The following ARL10 variants were observed in gnomAD, a reference collection of about 807,000 sequenced individuals.
ARL10 encodes the protein ADP-ribosylation factor-like protein 10.
Under a neutral mutation model 26.1 loss-of-function variants are expected in ARL10, and 23 were observed. The ratio of observed to expected loss-of-function variants is 0.88; its 90% CI spans 0.63 to 1.25. The LOEUF (loss-of-function observed/expected upper bound fraction) is 1.25, where lower values mean the gene tolerates loss of function less well. ARL10 is among the 50% of genes most tolerant of loss of function. The probability of loss-of-function intolerance (pLI) is 0.00; values close to 1 mark genes in which losing one functional copy is unlikely to be tolerated. For synonymous variants in ARL10, 138 were observed against 149.1 expected (o/e 0.93, Z 0.54); for missense variants, 300 against 323.6 (o/e 0.93, Z 0.56).
chr5:176,384,194 G>C (rs1230114839), downstream of ARL10: 6 of 1,613,954 alleles, frequency 3.7e-6, no homozygotes, highest in Non-Finnish European at 5.1e-6. Context: ...CTGGTCCGGG[G>C]GACGCCTCAG....
At chr5:176,401,470 C>T (rs187401285) in intron 1 of ARL10, among the ~76,000 whole-genome samples, 2 of 152,326 alleles carry the variant, frequency 1.3e-5, no homozygotes, top group Admixed American at 6.5e-5. Context: ...GAATCCTGAA[C>T]GTCACTTCAC....
At chr5:176,410,345 T>C in the ARL10 span, 3 of 1,586,270 alleles carry the variant, frequency 1.9e-6, no homozygotes, top group Non-Finnish European at 2.6e-6. Flanking sequence ...ACTGTTTAGC[T>C]TATAGCAAGC....
chr5:176,373,118 T>G lies in ARL10; in HGVS notation c.*1223T>G, dbSNP rs1430006559. The G allele has an allele frequency of 1.8e-5, 7 of 398,562 alleles. No homozygotes were observed. Among genetic ancestry groups the G allele is most frequent in the African/African-American group, 1.4e-4 (7 of 48,744 alleles). 24.7% of individuals were successfully genotyped at this position (398,562 alleles called of 1,614,324 possible). A position where few individuals can be genotyped will look rare whatever the true frequency, so the allele number is the denominator to read the frequency against. On this transcript the variant is annotated 3_prime_UTR_variant, in exon 4 of 4. Transcript: ENST00000310389. ...AAATGACTCTGGGAGAGGATTTCCC[T>G]TATGTGAATCTAGGTAAAAAGATGG... is the stretch of plus-strand genomic sequence containing the variant.
downstream of ARL10, chr5:176,384,083 A>T: frequency 6.3e-7 from 1 of 1,596,370 alleles, no homozygotes; most frequent in South Asian, 1.1e-5. Context: ...CAGAGCGGGG[A>T]GTGTGCACGT....
At chr5:176,406,136 A>G (rs2113664654), downstream of ARL10, 1 of 986,398 alleles carries the variant, frequency 1.0e-6, no homozygotes, top group Non-Finnish European at 1.2e-6. Flanking sequence ...ACGGGCCACA[A>G]CTGGGCTCTC....
downstream of ARL10, among the ~76,000 whole-genome samples, chr5:176,403,716 T>C (rs1756957306): frequency 6.6e-6 from 1 of 151,864 alleles, no homozygotes. Context: ...CCTCCCAAAG[T>C]GCTGGGATTA....
chr5:176,406,356 G>A (rs977321692), downstream of ARL10: 2 of 1,117,108 alleles, frequency 1.8e-6, no homozygotes, highest in Non-Finnish European at 2.2e-6. Flanking sequence ...CTCTCCTGAG[G>A]GGCCCCTCTG....
chr5:176,400,545 G>A (rs1756766525), intron 1 of ARL10, among the ~76,000 whole-genome samples: 1 of 152,160 alleles, frequency 6.6e-6, no homozygotes, highest in Non-Finnish European at 1.5e-5. Flanking sequence ...ACAAGGGTGT[G>A]GCACCCTCTG....
the ARL10 span, among the ~76,000 whole-genome samples, chr5:176,412,496 T>TA: frequency 6.6e-6 from 1 of 152,214 alleles, no homozygotes; most frequent in Non-Finnish European, 1.5e-5. Flanking sequence ...GGCCTGCTGT[T>TA]ATCTGCAAGG....
downstream of ARL10, chr5:176,384,943 T>C (rs1755712885): frequency 1.8e-6 from 1 of 560,394 alleles, no homozygotes; most frequent in East Asian, 2.8e-5. Flanking sequence ...CCTGGGTGAC[T>C]GAGCAAGACT....
At chr5:176,388,780 G>C, downstream of ARL10, 2 of 1,601,728 alleles carry the variant, frequency 1.2e-6, no homozygotes, top group Non-Finnish European at 1.7e-6. Context: ...GGGAGGCTGA[G>C]GTCGGAGTCC....
Position 176,365,541 on chromosome 5 carries a change from A to T in ARL10, c.-23A>T. On this transcript the variant is annotated 5_prime_UTR_variant, in exon 1 of 4. Transcript: ENST00000310389. ...AGTGGGCTCGGCCTGTGCAACCCGC[A>T]CCTGCGTCCCTCGCCCGGCCCGATG... is the stretch of plus-strand genomic sequence containing the variant. 8.2e-7 allele frequency: 1 copy of T among 1,224,470 alleles called. No individual in the cohort carries two copies. Among genetic ancestry groups the T allele is most frequent in the South Asian group, 4.0e-5 (1 of 24,908 alleles). The allele number at this position is 1,224,470 out of a possible 1,614,324, so 75.9% of individuals were successfully genotyped here.
intron 1 of ARL10, among the ~76,000 whole-genome samples, chr5:176,400,208 AG>A (rs200275709): frequency 2.7e-5 from 4 of 149,668 alleles, no homozygotes; most frequent in Non-Finnish European, 2.9e-5. Flanking sequence ...AAAAAAAAAA[AG>A]AAAGAAAGAA....
intron 3 of ARL10, chr5:176,369,289 G>A: frequency 1.7e-6 from 2 of 1,167,736 alleles, no homozygotes; most frequent in Non-Finnish European, 1.1e-6. Flanking sequence ...CTGGAATGCA[G>A]TGGTGTGATC....
downstream of ARL10, chr5:176,393,066 C>G: frequency 1.7e-6 from 2 of 1,148,186 alleles, no homozygotes; most frequent in Non-Finnish European, 2.5e-6. The surrounding 1 kb of genome is among the most constrained non-coding windows in gnomAD (Gnocchi z 4.4). Flanking sequence ...CTTGTGCCCC[C>G]CTGACTTCAG....
Position 176,387,057 on chromosome 5 carries a change from A to C in ARL10, c.37-1238A>C. On this transcript the variant is annotated intron_variant, in intron 1 of 1. Coordinates refer to the ARL10 transcript ENST00000503175. Reference sequence around the variant, plus strand: ...GTAACAATGAGAACTAATGCCCTGGAGGCTTTTTCTCTCTCTCTCTCTTTT... The same window carrying C: ...GTAACAATGAGAACTAATGCCCTGGCGGCTTTTTCTCTCTCTCTCTCTTTT... 3 of 632,278 alleles carry C rather than the reference A, an allele frequency of 4.7e-6. No individual in the cohort carries two copies. The South Asian group carries it at 5.8e-5, about 12-fold the overall frequency. 39.2% of individuals were successfully genotyped at this position (632,278 alleles called of 1,614,324 possible). A position where few individuals can be genotyped will look rare whatever the true frequency, so the allele number is the denominator to read the frequency against.
At position 176,365,740 on chromosome 5, in the gene ARL10, G is replaced by C. The variant is rs1768263251; in HGVS notation, c.177G>C (p.Glu59Asp). The change falls in exon 1 of 4, where the codon GAG (glutamate) becomes GAC (aspartate). Residue 59 changes from glutamate to aspartate, a missense_variant. Coordinates refer to ENST00000310389, the MANE Select transcript of ARL10 (RefSeq NM_173664.6). ...AEAARLPEWD[E>D]WDPEDEEDEE... ...CTGCCCGCCTCCCCGAGTGGGACGA[G>C]TGGGACGTGAGTGCCGGGCCGAGGC... is the stretch of plus-strand genomic sequence containing the variant. 4.0e-6 allele frequency: 5 copies of C among 1,236,302 alleles called. No individual in the cohort carries two copies. The South Asian group carries it at 1.6e-4, about 39-fold the overall frequency. 76.6% of individuals were successfully genotyped at this position (1,236,302 alleles called of 1,614,324 possible). A position where few individuals can be genotyped will look rare whatever the true frequency, so the allele number is the denominator to read the frequency against.
downstream of ARL10, among the ~76,000 whole-genome samples, chr5:176,392,198 A>AG (rs1756283556): frequency 6.6e-6 from 1 of 152,164 alleles, no homozygotes; most frequent in Non-Finnish European, 1.5e-5. This position sits in a 1 kb window ranked among gnomAD's most constrained non-coding sequence, Gnocchi z 5.2. Flanking sequence ...CTCCCACTAC[A>AG]AGCCACTTCC....
chr5:176,370,126 G>A (rs913876839), intron 3 of ARL10, among the ~76,000 whole-genome samples: 4 of 152,096 alleles, frequency 2.6e-5, no homozygotes, highest in Admixed American at 2.0e-4. Flanking sequence ...GTGTGCTTAC[G>A]GTGTGCCATA....
Sources: gnomAD v4.1 joint callset for allele counts (sites outside exome capture counted in the v4.1 genomes callset) on GRCh38, gnomAD v4.1.1 for gene constraint, Gnocchi (gnomAD v3.1) non-coding constraint, MANE v1.5 for transcripts, NCBI Gene and HGNC (gene_info 2026-07-23, HGNC 2026-07-21) for gene names.